FGF14: variants seen among roughly 807,000 people sequenced by gnomAD.
FGF14 encodes fibroblast growth factor homologous factor 4.
Under a neutral mutation model 25.5 loss-of-function variants are expected in FGF14, and 5 were observed. The ratio of observed to expected loss-of-function variants is 0.20; its 90% confidence interval spans 0.10 to 0.41. The LOEUF (loss-of-function observed/expected upper bound fraction) is 0.41. FGF14 is among the 10% of genes least tolerant of loss of function. The pLI, the probability that FGF14 is intolerant of heterozygous loss-of-function variation, is 1.00. For missense variants in FGF14, 222 were observed against 320.1 expected, an observed-to-expected ratio of 0.69 and a Z score of 2.34; for synonymous variants, 138 against 118.3, an observed-to-expected ratio of 1.17 and a Z score of -1.08.
At chr13:102,266,167 T>C (rs1218610334) in intron 1 of FGF14, among the ~76,000 whole-genome samples, 2 of 152,120 alleles carry the variant, frequency 1.3e-5, no homozygotes, top group Non-Finnish European at 2.9e-5. Flanking sequence ...ATCCTTTACT[T>C]GGGGTGAGAA....
intron 3 of FGF14, among the ~76,000 whole-genome samples, chr13:101,860,995 T>C (rs140508437): frequency 1.3e-5 from 2 of 152,110 alleles, no homozygotes; most frequent in Non-Finnish European, 2.9e-5. Context: ...GTATCCAAAA[T>C]TGAGCATGTA....
At chr13:101,736,851 C>A (rs9518505) in intron 3 of FGF14, among the ~76,000 whole-genome samples, 149,852 of 151,344 alleles carry the variant, frequency 0.99, 74,209 homozygotes, top group East Asian at 1. Flanking sequence ...CTACAGCCTT[C>A]GCTCTAAATC....
At chr13:101,914,615 A>C (rs183769172) in intron 1 of FGF14, among the ~76,000 whole-genome samples, 18 of 152,328 alleles carry the variant, frequency 1.2e-4, no homozygotes, top group Admixed American at 4.6e-4. Flanking sequence ...CTGACAAAAA[A>C]GTAAACACCC....
intron 3 of FGF14, among the ~76,000 whole-genome samples, chr13:101,789,685 C>A (rs549527204): frequency 1.2e-4 from 18 of 151,934 alleles, no homozygotes; most frequent in Middle Eastern, 6.8e-3. Flanking sequence ...CAGGACTACC[C>A]GAGGTAAACT....
upstream of FGF14, among the ~76,000 whole-genome samples, chr13:101,921,115 G>A (rs901227798): frequency 5.3e-5 from 8 of 152,008 alleles, no homozygotes; most frequent in Non-Finnish European, 1.2e-4. Context: ...GAGCCACCAT[G>A]GCTTGCCAAC....
chr13:101,823,716 C>T (rs909865167), intron 3 of FGF14, among the ~76,000 whole-genome samples: 6 of 150,592 alleles, frequency 4.0e-5, no homozygotes, highest in Non-Finnish European at 7.4e-5. Context: ...GGATTACAGG[C>T]GTGAGCCACT....
chr13:101,724,545 A>G (rs193052093), intron 4 of FGF14, among the ~76,000 whole-genome samples: 2,071 of 149,392 alleles, frequency 0.014, 48 homozygotes, highest in African/African-American at 0.048. Flanking sequence ...TACATATGTC[A>G]CAAACCTGCA....
chr13:102,126,951 T>A (rs556976337), intron 1 of FGF14, among the ~76,000 whole-genome samples: 1 of 152,256 alleles, frequency 6.6e-6, no homozygotes, highest in South Asian at 2.1e-4. Flanking sequence ...ACAGGTAGAA[T>A]CAGGGCCACA....
chr13:101,828,044 C>T (rs1405927404), intron 3 of FGF14, among the ~76,000 whole-genome samples: 1 of 151,668 alleles, frequency 6.6e-6, no homozygotes, highest in Admixed American at 6.6e-5. Context: ...TTTAATCTCC[C>T]AAGTCATTCA....
intron 1 of FGF14, among the ~76,000 whole-genome samples, chr13:102,275,184 C>T (rs1190711216): frequency 6.7e-6 from 1 of 149,962 alleles, no homozygotes; most frequent in African/African-American, 2.5e-5. Flanking sequence ...GTAATACTTC[C>T]TGTAATGTCC....
chr13:102,332,733 T>C (rs2056671201), intron 1 of FGF14, among the ~76,000 whole-genome samples: 1 of 152,142 alleles, frequency 6.6e-6, no homozygotes, highest in Non-Finnish European at 1.5e-5. Context: ...TCTAAGTATG[T>C]CAGTTATTAA....
chr13:102,003,560 T>A (rs769384418), intron 1 of FGF14, among the ~76,000 whole-genome samples: 6 of 152,184 alleles, frequency 3.9e-5, no homozygotes, highest in African/African-American at 9.6e-5. Context: ...CTTAGTTTCT[T>A]ACATCAAAGA....
chr13:101,992,262 TA>T (rs1451139775), intron 1 of FGF14, among the ~76,000 whole-genome samples: 1 of 151,926 alleles, frequency 6.6e-6, no homozygotes, highest in African/African-American at 2.4e-5. Flanking sequence ...GGGACAAAAA[TA>T]AGGCCAGTCA....
chr13:102,285,795 A>G (rs2054066723), intron 1 of FGF14, among the ~76,000 whole-genome samples: 1 of 152,150 alleles, frequency 6.6e-6, no homozygotes, highest in African/African-American at 2.4e-5. Context: ...TTTCCAAATG[A>G]AAAAATGGAA....
At chr13:102,099,251 G>A (rs977357575) in intron 1 of FGF14, among the ~76,000 whole-genome samples, 20 of 152,164 alleles carry the variant, frequency 1.3e-4, no homozygotes, top group Non-Finnish European at 2.6e-4. Flanking sequence ...GGCAAGCAAT[G>A]CATATTTTAC....
chr13:101,789,506 T>C (rs1171159364), intron 3 of FGF14, among the ~76,000 whole-genome samples: 1 of 152,166 alleles, frequency 6.6e-6, no homozygotes, highest in African/African-American at 2.4e-5. Flanking sequence ...ATCCTCTTTT[T>C]GAAACATATT....
chr13:102,272,756 GATATATCTAT>G (rs1222840248), intron 1 of FGF14, among the ~76,000 whole-genome samples: 1 of 151,970 alleles, frequency 6.6e-6, no homozygotes, highest in East Asian at 1.9e-4. Context: ...GATATTGAGT[GATATATCTAT>G]ATATATCTAT....
At chr13:102,063,165 T>C (rs541284944) in intron 1 of FGF14, among the ~76,000 whole-genome samples, 1 of 152,302 alleles carries the variant, frequency 6.6e-6, no homozygotes, top group South Asian at 2.1e-4. Context: ...TATAACATAG[T>C]GAAATGAATG....
intron 3 of FGF14, among the ~76,000 whole-genome samples, chr13:101,745,741 A>G (rs1395315277): frequency 6.6e-6 from 1 of 152,114 alleles, no homozygotes; most frequent in African/African-American, 2.4e-5. Context: ...AACTTTTCAA[A>G]GAAGGTAGGT....
Sources: gnomAD v4.1 joint callset for allele counts (sites outside exome capture counted in the v4.1 genomes callset) on GRCh38, gnomAD v4.1.1 for gene constraint, MANE v1.5 for transcripts, NCBI Gene and HGNC (gene_info 2026-07-23, HGNC 2026-07-21) for gene names.